CNTN5: variants seen among roughly 807,000 people sequenced by gnomAD.
CNTN5 encodes contactin 5.
Under a neutral mutation model 129.1 loss-of-function variants are expected in CNTN5, and 77 were observed. That is an observed-to-expected ratio of 0.60 (90% CI 0.50 to 0.72). The LOEUF (loss-of-function observed/expected upper bound fraction) is 0.72. Among genes scored for constraint, CNTN5 ranks in the 30% least tolerant of loss-of-function variants. The probability of loss-of-function intolerance (pLI) is 0.00; values close to 1 mark genes in which losing one functional copy is unlikely to be tolerated. For synonymous variants in CNTN5, 509 were observed against 465.6 expected (o/e 1.09, Z -1.20); for missense variants, 1,478 against 1,328.8 (o/e 1.11, Z -1.75).
intron 2 of CNTN5, among the ~76,000 whole-genome samples, chr11:99,436,420 T>C (rs1490738003): frequency 6.8e-6 from 1 of 146,328 alleles, no homozygotes; most frequent in Non-Finnish European, 1.5e-5. Context: ...TTTATTGTCC[T>C]AACCACTACA....
chr11:99,245,822 T>A (rs982099709), intron 1 of CNTN5, among the ~76,000 whole-genome samples: 2 of 152,166 alleles, frequency 1.3e-5, no homozygotes, highest in African/African-American at 2.4e-5. Context: ...GTCTTGCGTA[T>A]CACAATATGT....
At chr11:99,227,642 T>C (rs973115525) in intron 1 of CNTN5, among the ~76,000 whole-genome samples, 3 of 152,192 alleles carry the variant, frequency 2.0e-5, no homozygotes, top group Non-Finnish European at 4.4e-5. Context: ...TCCTTGTGCT[T>C]CAATGCGTTA....
intron 13 of CNTN5, among the ~76,000 whole-genome samples, chr11:100,150,671 T>C (rs535402052): frequency 3.3e-5 from 5 of 152,008 alleles, no homozygotes; most frequent in African/African-American, 1.2e-4. Flanking sequence ...TAAAATGTCA[T>C]CAACACAAGC....
intron 3 of CNTN5, among the ~76,000 whole-genome samples, chr11:99,701,030 CTATT>C (rs1954496833): frequency 6.6e-6 from 1 of 151,234 alleles, no homozygotes; most frequent in South Asian, 2.1e-4. Context: ...AGTGAAATAT[CTATT>C]TAAGGACCAT....
At chr11:99,589,385 A>T (rs1002626628) in intron 3 of CNTN5, among the ~76,000 whole-genome samples, 9 of 152,226 alleles carry the variant, frequency 5.9e-5, no homozygotes, top group African/African-American at 1.9e-4. Flanking sequence ...TTCTACCCTG[A>T]TTATTCAGTA....
In CNTN5 at chr11:99,366,829, T is replaced by C. The variant is rs115288092; in HGVS notation, c.-71+41345T>C. 2.6e-3 allele frequency among the ~76,000 whole-genome samples: 394 copies of C among 152,288 alleles called. 3 individuals carry two copies. Among genetic ancestry groups the C allele is most frequent in the African/African-American group, 8.9e-3 (371 of 41,580 alleles). On this transcript the variant is annotated intron_variant, in intron 2 of 24. Coordinates refer to ENST00000524871, the MANE Select transcript of CNTN5 (RefSeq NM_014361.4). ...GAGTAATTTTCTCTGTGTGCATTTT[T>C]TGTCCTGAACGCATTTTGCATGATA...
Position 99,519,056 on chromosome 11 carries a change from A to G in CNTN5, c.-70-37089A>G, listed in dbSNP as rs1947168901. 2.0e-5 allele frequency among the ~76,000 whole-genome samples: 3 copies of G among 152,150 alleles called. No homozygotes were observed. In the South Asian group the frequency reaches 6.2e-4, roughly 32 times the overall value. ...GGTTTCCATTTCTCCTGGAATAAAG[A>G]CAGAAGCTCATAACTTGGTCTACCA... On this transcript the variant is annotated intron_variant, in intron 2 of 24. Transcript: ENST00000524871.
At chr11:100,340,984 TG>T (rs1296771363) in intron 22 of CNTN5, 108 bp from the exon 23 acceptor site, 13 of 810,846 alleles carry the variant, frequency 1.6e-5, no homozygotes, top group Non-Finnish European at 2.0e-5. Flanking sequence ...AAGCCTAGAT[TG>T]CCAGCCAACT....
chr11:99,685,565 T>C (rs1411118578), intron 3 of CNTN5, among the ~76,000 whole-genome samples: 1 of 151,760 alleles, frequency 6.6e-6, no homozygotes. Context: ...AATTATTTTA[T>C]CTTCTTGTTT....
At chr11:99,994,328 G>A (rs1002569089) in intron 8 of CNTN5, among the ~76,000 whole-genome samples, 1 of 151,844 alleles carries the variant, frequency 6.6e-6, no homozygotes, top group African/African-American at 2.4e-5. Flanking sequence ...TACAACCTTG[G>A]TACCTTACTT....
At chr11:99,482,264 A>G (rs1441041639) in intron 2 of CNTN5, among the ~76,000 whole-genome samples, 2 of 152,228 alleles carry the variant, frequency 1.3e-5, no homozygotes, top group African/African-American at 4.8e-5. Context: ...TACTTTTAAT[A>G]AAAATTATTA....
chr11:99,749,177 C>A (rs973930555), intron 3 of CNTN5, among the ~76,000 whole-genome samples: 1 of 152,056 alleles, frequency 6.6e-6, no homozygotes, highest in African/African-American at 2.4e-5. Flanking sequence ...AACTTTGTTT[C>A]AAACTTTGCA....
At chr11:99,930,930 G>A (rs953512254) in intron 7 of CNTN5, among the ~76,000 whole-genome samples, 2 of 152,028 alleles carry the variant, frequency 1.3e-5, no homozygotes, top group African/African-American at 2.4e-5. Flanking sequence ...AAATGCTTGA[G>A]AAATAAAGGA....
chr11:100,050,681 G>A (rs949487986), intron 9 of CNTN5, among the ~76,000 whole-genome samples: 2 of 151,658 alleles, frequency 1.3e-5, no homozygotes, highest in African/African-American at 4.9e-5. Flanking sequence ...TATACTATCT[G>A]CAAGAAAGCA....
At chr11:100,353,708 T>C (rs1025534970) in intron 24 of CNTN5, among the ~76,000 whole-genome samples, 1 of 151,684 alleles carries the variant, frequency 6.6e-6, no homozygotes, top group African/African-American at 2.4e-5. Flanking sequence ...AGTTGAAATA[T>C]ATGCATCATT....
intron 1 of CNTN5, among the ~76,000 whole-genome samples, chr11:99,025,827 A>AT (rs1337540438): frequency 1.3e-5 from 2 of 151,612 alleles, no homozygotes; most frequent in Non-Finnish European, 3.0e-5. Context: ...TTTTATCTTT[A>AT]TTTTCTTAAA....
chr11:99,227,381 A>T (rs1210522549), intron 1 of CNTN5, among the ~76,000 whole-genome samples: 1 of 151,922 alleles, frequency 6.6e-6, no homozygotes, highest in Non-Finnish European at 1.5e-5. Flanking sequence ...AAGAAAGAAA[A>T]ATTATGATAA....
At chr11:100,269,565 A>C (rs1041273229) in intron 17 of CNTN5, among the ~76,000 whole-genome samples, 1 of 152,162 alleles carries the variant, frequency 6.6e-6, no homozygotes, top group African/African-American at 2.4e-5. Flanking sequence ...TCCACCCCTT[A>C]ATAAGGGTAA....
At chr11:99,404,445 A>G (rs1359255662) in intron 2 of CNTN5, among the ~76,000 whole-genome samples, 1 of 150,998 alleles carries the variant, frequency 6.6e-6, no homozygotes, top group Non-Finnish European at 1.5e-5. Context: ...TGTTTTCTGT[A>G]TTTCTTTTAG....
Sources: allele counts gnomAD v4.1 joint callset (sites outside exome capture counted in the v4.1 genomes callset), GRCh38; gene constraint gnomAD v4.1.1; transcripts MANE v1.5; gene names NCBI Gene and HGNC (gene_info 2026-07-23, HGNC 2026-07-21).